DHX30: variants seen among roughly 807,000 people sequenced by gnomAD.
The protein encoded by DHX30 is DExH-box helicase 30.
A neutral mutation model predicts 116.9 loss-of-function variants in DHX30; 4 were observed. The observed-to-expected ratio is 0.03, with a 90% confidence interval of 0.02 to 0.08. DHX30 has a LOEUF of 0.08. Ranked by LOEUF, DHX30 falls within the 10% of genes least tolerant of loss-of-function variation. The probability of loss-of-function intolerance (pLI) is 1.00; values close to 1 mark genes in which losing one functional copy is unlikely to be tolerated. For synonymous variants in DHX30, 697 were observed against 651.7 expected (o/e 1.07, Z -1.06); for missense variants, 871 against 1,595.1 (o/e 0.55, Z 7.73).
intron 4 of DHX30, among the ~76,000 whole-genome samples, chr3:47,823,799 A>G (rs1341582455): frequency 1.3e-5 from 2 of 152,196 alleles, no homozygotes; most frequent in African/African-American, 2.4e-5. Context: ...TGCTTTGTGT[A>G]TAGCTCTTCA....
Position 47,841,237 on chromosome 3 carries a change from C to T in DHX30, c.668+59C>T, listed in dbSNP as rs17290490. 0.66 allele frequency: 1,041,233 copies of T among 1,580,548 alleles called. 347,275 individuals carry two copies. The highest frequency in any genetic ancestry group is 0.72 in the East Asian group (32,052 of 44,266). ...GGCTGTGCCTTGACACGGGGATGGG[C>T]GAATGTTCTCTGCTAGCTTTCTCTG... On this transcript the variant is annotated intron_variant, in intron 7 of 21. Coordinates refer to ENST00000445061, the MANE Select transcript of DHX30 (RefSeq NM_138615.3).
At chr3:47,816,480 C>G in intron 3 of DHX30, 1 of 960,710 alleles carries the variant, frequency 1.0e-6, no homozygotes, top group Non-Finnish European at 1.2e-6. Flanking sequence ...GCCTCAGCCT[C>G]CTGAGTAGCT....
chr3:47,842,929 G>T (rs758340089), intron 8 of DHX30, among the ~76,000 whole-genome samples, 177 bp from the exon 9 acceptor site: 1 of 152,248 alleles, frequency 6.6e-6, no homozygotes, highest in African/African-American at 2.4e-5. Context: ...GGACTAGGGT[G>T]CCTGAGCCCA....
Position 47,849,969 on chromosome 3 carries a change from T to G in DHX30, c.3434T>G (p.Leu1145Arg). The G allele has an allele frequency of 6.2e-7, 1 of 1,612,776 alleles. No individual in the cohort carries two copies. The highest frequency in any genetic ancestry group is 8.5e-7 in the Non-Finnish European group (1 of 1,179,686). The change falls in exon 22 of 22, where the codon CTG (leucine) becomes CGG (arginine). Residue 1145 changes from leucine (L) to arginine (R), a missense_variant. This residue lies in a region of DHX30 where 238 missense variants were observed against 481.0 expected (regional missense o/e 0.49). Transcript: ENST00000445061. ...VRLLKELRRALGRMVERSLRS... is the reference protein window; with the variant it reads ...VRLLKELRRARGRMVERSLRS... Reference sequence around the variant, plus strand: ...CTGCTGAAGGAGCTGCGGCGGGCCCTGGGCCGCATGGTGGAGCGGAGCCTG... The same window carrying G: ...CTGCTGAAGGAGCTGCGGCGGGCCCGGGGCCGCATGGTGGAGCGGAGCCTG...
intron 6 of DHX30, among the ~76,000 whole-genome samples, chr3:47,839,626 T>C (rs2037275511): frequency 1.3e-5 from 2 of 152,156 alleles, no homozygotes; most frequent in Non-Finnish European, 2.9e-5. Flanking sequence ...ATATAACTTC[T>C]TATAACAGAA....
intron 9 of DHX30, among the ~76,000 whole-genome samples, chr3:47,845,133 C>T (rs1167449215): frequency 5.3e-5 from 8 of 152,082 alleles, no homozygotes; most frequent in Non-Finnish European, 1.0e-4. Flanking sequence ...GGGCCTTCTC[C>T]AGACGTAGGG....
intron 4 of DHX30, 68 bp downstream of exon 4, chr3:47,818,185 G>A (rs1460277775): frequency 8.1e-6 from 6 of 737,040 alleles, no homozygotes; most frequent in Non-Finnish European, 2.5e-6. Flanking sequence ...GTGGCAATGG[G>A]AGCCCTGGTG....
Position 47,847,270 on chromosome 3 carries a change from C to T in DHX30, c.1930-3C>T. On this transcript the variant is annotated splice_polypyrimidine_tract_variant and splice_region_variant and intron_variant, in intron 11 of 21. Coordinates refer to ENST00000445061, the MANE Select transcript of DHX30 (RefSeq NM_138615.3). This position sits in a 1 kb window ranked among gnomAD's most constrained non-coding sequence, Gnocchi z 5.5. Reference sequence around the variant, plus strand: ...GACTGTGGCCTCTCTTCCCCCACCCCAGTCTGAGGATGAATGCGCACTCGA... The same window carrying T: ...GACTGTGGCCTCTCTTCCCCCACCCTAGTCTGAGGATGAATGCGCACTCGA... 1 of 1,614,268 alleles carries T rather than the reference C, an allele frequency of 6.2e-7. No homozygotes were observed. Among genetic ancestry groups the T allele is most frequent in the Non-Finnish European group, 8.5e-7 (1 of 1,180,048 alleles).
intron 6 of DHX30, among the ~76,000 whole-genome samples, chr3:47,834,988 A>C (rs1220066255): frequency 6.7e-6 from 1 of 149,986 alleles, no homozygotes; most frequent in Non-Finnish European, 1.5e-5. Context: ...TTTTTGAGGA[A>C]CTTCTTTATT....
At chr3:47,817,975 G>A (rs370985134) in intron 3 of DHX30, 47 bp from the exon 4 acceptor site, 21 of 780,778 alleles carry the variant, frequency 2.7e-5, no homozygotes, top group Non-Finnish European at 4.8e-6. Context: ...GTCTGTGACT[G>A]TGAGGGGTGA....
chr3:47,830,446 A>C (rs1290495840), intron 6 of DHX30, among the ~76,000 whole-genome samples: 2 of 151,756 alleles, frequency 1.3e-5, no homozygotes, highest in Non-Finnish European at 2.9e-5. Flanking sequence ...AGACTCCGTC[A>C]CAAAAAAAAA....
chr3:47,827,117 G>A (rs1165712073), intron 4 of DHX30, among the ~76,000 whole-genome samples: 5 of 152,134 alleles, frequency 3.3e-5, no homozygotes, highest in African/African-American at 1.2e-4. Context: ...CTTCTGTGGT[G>A]TGTGGGTCAT....
intron 2 of DHX30, among the ~76,000 whole-genome samples, chr3:47,806,451 CT>C (rs1268969021): frequency 1.4e-4 from 17 of 120,280 alleles, no homozygotes; most frequent in East Asian, 2.7e-4. Flanking sequence ...CAATTTTTTT[CT>C]TTTTTTTTTC....
At chr3:47,825,180 A>C in intron 4 of DHX30, 1 of 662,364 alleles carries the variant, frequency 1.5e-6, no homozygotes, top group South Asian at 1.6e-5. Context: ...ACACCAAGGA[A>C]GCCGCCGAGG....
At position 47,850,117 on chromosome 3, in the gene DHX30, CTG is replaced by C; in HGVS notation, c.3583_3584del (p.Ter1195SerfsTer16). 6.3e-7 allele frequency: 1 copy of C among 1,585,558 alleles called. No homozygotes were observed. Among genetic ancestry groups the C allele is most frequent in the Non-Finnish European group, 8.6e-7 (1 of 1,168,644 alleles). On this transcript the variant is annotated frameshift_variant and stop_lost, in exon 22 of 22. Transcript: ENST00000445061. LOFTEE classifies it high-confidence loss of function. Reference sequence around the variant, plus strand: ...TTGATGTGCGCAAGACAGCTGACGACTGAGCCCTGCTTCTGCTGGGGCTGTGT... The same window carrying C: ...TTGATGTGCGCAAGACAGCTGACGACAGCCCTGCTTCTGCTGGGGCTGTGT... ...SFDVRKTADD* is the reference protein window; with the variant it reads ...SFDVRKTADDX
intron 2 of DHX30, among the ~76,000 whole-genome samples, chr3:47,808,731 A>G (rs1479617816): frequency 1.4e-5 from 2 of 147,550 alleles, no homozygotes; most frequent in African/African-American, 2.5e-5. Context: ...ATGCGCCACC[A>G]CAGCTGGCTA....
At chr3:47,821,255 C>A (rs1018566473) in intron 4 of DHX30, among the ~76,000 whole-genome samples, 1 of 151,398 alleles carries the variant, frequency 6.6e-6, no homozygotes, top group African/African-American at 2.4e-5. Context: ...CATGCCTGGC[C>A]TTTTTCCTAA....
At position 47,846,180 on chromosome 3, in the gene DHX30, T is replaced by C. The variant is rs747535351; in HGVS notation, c.1108T>C (p.Ser370Pro). The change falls in exon 11 of 22, where the codon TCA (serine) becomes CCA (proline). Residue 370 changes from serine to proline, a missense_variant. Physicochemically the swap from Ser to Pro is moderately conservative, Grantham distance 74 (BLOSUM62 -1). Around this residue, in one of 13 missense-constraint regions of DHX30, gnomAD observed 175 missense variants for 292.9 expected, o/e 0.60. Transcript: ENST00000445061. Reference sequence around the variant, plus strand: ...TGCCCTCCAGTACCCTGTGGAGAGTTCATGGATCGCCCCAGAACTCCGGCT... The same window carrying C: ...TGCCCTCCAGTACCCTGTGGAGAGTCCATGGATCGCCCCAGAACTCCGGCT... ...TFLNHYPVES[S>P]WIAPELRLQS... The C allele has an allele frequency of 1.2e-6, 2 of 1,613,282 alleles. No homozygotes were observed. The highest frequency in any genetic ancestry group is 4.5e-5 in the East Asian group (2 of 44,876).
At chr3:47,825,410 G>C (rs561260256) in intron 4 of DHX30, among the ~76,000 whole-genome samples, 46 of 152,356 alleles carry the variant, frequency 3.0e-4, no homozygotes, top group African/African-American at 1.1e-3. Context: ...TGTTTGTAAA[G>C]CTTAGCGTGG....
Sources: allele counts gnomAD v4.1 joint callset (sites outside exome capture counted in the v4.1 genomes callset), GRCh38; gene constraint gnomAD v4.1.1; regional missense constraint gnomAD v4.1.1; non-coding constraint Gnocchi (gnomAD v3.1); transcripts MANE v1.5; gene names NCBI Gene and HGNC (gene_info 2026-07-23, HGNC 2026-07-21).